Variants in GRID2 observed in about 807,000 individuals in gnomAD.
GRID2 encodes the protein glutamate ionotropic receptor delta type subunit 2.
GRID2 carries 33 observed loss-of-function variants against 114.8 expected under a neutral mutation model. That is an observed-to-expected ratio of 0.29 (90% confidence interval 0.22 to 0.38). The LOEUF is 0.38. GRID2 is among the 10% of genes least tolerant of loss of function. GRID2 has a pLI of 1.00. For synonymous variants in GRID2, 505 were observed against 449.9 expected, an observed-to-expected ratio of 1.12 and a Z score of -1.55; for missense variants, 1,184 against 1,257.7, an observed-to-expected ratio of 0.94 and a Z score of 0.89.
Position 92,401,666 on chromosome 4 carries a change from T to C in GRID2, c.88+96922T>C, listed in dbSNP as rs376738112. Among the ~76,000 whole-genome samples the C allele has an allele frequency of 1.1e-4, 16 of 152,306 alleles. No individual in the cohort carries two copies. In the East Asian group the frequency reaches 2.3e-3, roughly 22 times the overall value. On this transcript the variant is annotated intron_variant, in intron 1 of 15. Transcript: ENST00000282020. Reference sequence around the variant, plus strand: ...CATTATGTCAAAACATAATTAACATTTAAAAATAATTTATTGATAAAAATG... The same window carrying C: ...CATTATGTCAAAACATAATTAACATCTAAAAATAATTTATTGATAAAAATG...
chr4:93,366,301 C>T (rs976731549), intron 8 of GRID2, among the ~76,000 whole-genome samples: 2 of 152,020 alleles, frequency 1.3e-5, no homozygotes, highest in East Asian at 3.9e-4. Flanking sequence ...AGAATGCGCA[C>T]CTGGGGATAG....
intron 2 of GRID2, among the ~76,000 whole-genome samples, chr4:92,697,377 A>G (rs1734468041): frequency 6.6e-6 from 1 of 152,186 alleles, no homozygotes; most frequent in South Asian, 2.1e-4. Flanking sequence ...AACACCTAAC[A>G]CATTTATTCA....
At chr4:92,472,957 G>T (rs1443466874) in intron 1 of GRID2, among the ~76,000 whole-genome samples, 2 of 151,662 alleles carry the variant, frequency 1.3e-5, no homozygotes, top group South Asian at 2.1e-4. Context: ...TTTTAGCGTT[G>T]TGTCTATAAA....
At position 92,340,057 on chromosome 4, in the gene GRID2, AT is replaced by A. The variant is rs140539062; in HGVS notation, c.88+35314del. Among the ~76,000 whole-genome samples, 882 of 152,292 alleles carry A rather than the reference AT, an allele frequency of 5.8e-3. 2 individuals carry two copies. The highest frequency in any genetic ancestry group is 0.021 in the African/African-American group (853 of 41,574). ...TTATACTCCACAAAGTAAACCAAAA[AT>A]ATCCCTTTGAAGTATTTAAATGAAC... On this transcript the variant is annotated intron_variant, in intron 1 of 15. Coordinates refer to ENST00000282020, the MANE Select transcript of GRID2 (RefSeq NM_001510.4).
intron 2 of GRID2, among the ~76,000 whole-genome samples, chr4:92,616,269 A>AT (rs34532719): frequency 0.25 from 37,862 of 149,894 alleles, 4,735 homozygotes; most frequent in South Asian, 0.32. Flanking sequence ...TGGTTGACAG[A>AT]TTTTTTTTTT....
At chr4:92,523,963 G>A (rs1560687826) in intron 1 of GRID2, among the ~76,000 whole-genome samples, 1 of 152,014 alleles carries the variant, frequency 6.6e-6, no homozygotes, top group African/African-American at 2.4e-5. Context: ...GACAATTGGA[G>A]CAAAGTCCCA....
At chr4:92,917,918 T>C (rs986120863) in intron 2 of GRID2, among the ~76,000 whole-genome samples, 5 of 152,190 alleles carry the variant, frequency 3.3e-5, no homozygotes, top group African/African-American at 9.6e-5. Flanking sequence ...GGGGATGGCA[T>C]TGAAACTATA....
At chr4:93,495,336 G>C (rs377353600) in intron 12 of GRID2, among the ~76,000 whole-genome samples, 1 of 151,586 alleles carries the variant, frequency 6.6e-6, no homozygotes, top group African/African-American at 2.4e-5. Context: ...CCATCACCTT[G>C]GTCTACATTT....
intron 1 of GRID2, among the ~76,000 whole-genome samples, chr4:92,381,455 A>G (rs1729613958): frequency 6.6e-6 from 1 of 152,042 alleles, no homozygotes; most frequent in Non-Finnish European, 1.5e-5. Context: ...AAGAGAGACT[A>G]GCAACTGAGT....
At chr4:93,615,350 A>C (rs2149673398) in intron 13 of GRID2, among the ~76,000 whole-genome samples, 1 of 152,306 alleles carries the variant, frequency 6.6e-6, no homozygotes, top group African/African-American at 2.4e-5. Context: ...TTATAAGTGA[A>C]ATCTCTCTTA....
At chr4:92,808,688 A>G (rs1258144967) in intron 2 of GRID2, among the ~76,000 whole-genome samples, 2 of 152,058 alleles carry the variant, frequency 1.3e-5, no homozygotes, top group Admixed American at 1.3e-4. Context: ...ATTGGGTTCA[A>G]TATCATTATA....
chr4:93,694,842 G>A (rs578066424), intron 14 of GRID2, among the ~76,000 whole-genome samples: 16 of 152,180 alleles, frequency 1.1e-4, no homozygotes, highest in East Asian at 9.7e-4. Flanking sequence ...TGCTCACCCC[G>A]AAGATCTTAA....
At chr4:93,019,061 T>G (rs534322815) in intron 2 of GRID2, among the ~76,000 whole-genome samples, 4 of 152,238 alleles carry the variant, frequency 2.6e-5, no homozygotes, top group South Asian at 4.1e-4. Context: ...AATCAGAGGA[T>G]GTTGTGAAAT....
chr4:93,135,630 A>G (rs1735175959), intron 4 of GRID2, among the ~76,000 whole-genome samples: 1 of 152,164 alleles, frequency 6.6e-6, no homozygotes. Context: ...CATCAATATG[A>G]GCAGATGTTG....
chr4:92,894,710 T>C (rs1747038151), intron 2 of GRID2, among the ~76,000 whole-genome samples: 1 of 152,108 alleles, frequency 6.6e-6, no homozygotes, highest in South Asian at 2.1e-4. Context: ...TTCAGCAAAA[T>C]AATAAGATTG....
intron 2 of GRID2, among the ~76,000 whole-genome samples, chr4:92,659,043 T>G (rs1219823942): frequency 7.4e-6 from 1 of 134,330 alleles, no homozygotes; most frequent in Non-Finnish European, 1.7e-5. Flanking sequence ...CTACAGGACT[T>G]TCTGTGCCCC....
chr4:93,105,522 A>G (rs931608200), intron 3 of GRID2, among the ~76,000 whole-genome samples: 6 of 152,150 alleles, frequency 3.9e-5, no homozygotes, highest in Non-Finnish European at 8.8e-5. Flanking sequence ...AGCTTTCTAC[A>G]TATGGCTAGC....
At chr4:92,885,329 A>G (rs1482916210) in intron 2 of GRID2, among the ~76,000 whole-genome samples, 2 of 152,168 alleles carry the variant, frequency 1.3e-5, no homozygotes, top group Non-Finnish European at 2.9e-5. Context: ...TCTGGTTGCA[A>G]CAGCCTTTCC....
At chr4:93,798,954 A>G (rs1343163181) in intron 1 of GRID2, among the ~76,000 whole-genome samples, 1 of 152,208 alleles carries the variant, frequency 6.6e-6, no homozygotes, top group Non-Finnish European at 1.5e-5. Context: ...AACAATACAG[A>G]GAAAAAAGCA....
Sources: gnomAD v4.1 joint callset for allele counts (sites outside exome capture counted in the v4.1 genomes callset) on GRCh38, gnomAD v4.1.1 for gene constraint, MANE v1.5 for transcripts, NCBI Gene and HGNC (gene_info 2026-07-23, HGNC 2026-07-21) for gene names.